Variants in JARID2 observed in about 807,000 individuals in gnomAD.
JARID2 encodes jumonji and AT-rich interaction domain containing 2.
A neutral mutation model predicts 125.6 loss-of-function variants in JARID2; 21 were observed. The observed-to-expected ratio is 0.17, with a 90% CI of 0.12 to 0.24. The LOEUF is 0.24. JARID2 is among the 10% of genes least tolerant of loss of function. JARID2 has a pLI of 1.00. For missense variants in JARID2, 1,303 were observed against 1,639.6 expected, an observed-to-expected ratio of 0.79 and a Z score of 3.55; for synonymous variants, 736 against 661.6, an observed-to-expected ratio of 1.11 and a Z score of -1.73.
chr6:15,426,859 A>G (rs1235836295), intron 3 of JARID2, among the ~76,000 whole-genome samples: 3 of 152,164 alleles, frequency 2.0e-5, no homozygotes, highest in African/African-American at 4.8e-5. Flanking sequence ...CAAAAGGCTT[A>G]TTTATAGTAT....
intron 8 of JARID2, among the ~76,000 whole-genome samples, chr6:15,503,001 T>C (rs892503709): frequency 2.6e-5 from 4 of 152,262 alleles, no homozygotes; most frequent in Non-Finnish European, 5.9e-5. Flanking sequence ...TTTTACTTTT[T>C]ACTGAAGGAG....
chr6:15,253,706 T>G (rs2127299133), intron 1 of JARID2, among the ~76,000 whole-genome samples: 1 of 152,274 alleles, frequency 6.6e-6, no homozygotes, highest in South Asian at 2.1e-4. Flanking sequence ...GGTTCTTTTT[T>G]CCATTTGAAG....
chr6:15,262,358 T>A (rs1759916238), intron 1 of JARID2, among the ~76,000 whole-genome samples: 1 of 152,108 alleles, frequency 6.6e-6, no homozygotes, highest in Non-Finnish European at 1.5e-5. Flanking sequence ...TCATATAATA[T>A]GTGGACTTTG....
chr6:15,437,213 C>A (rs1021391300), intron 3 of JARID2, among the ~76,000 whole-genome samples: 1 of 152,156 alleles, frequency 6.6e-6, no homozygotes, highest in Non-Finnish European at 1.5e-5. Context: ...TGGCAGTCTC[C>A]ACTGACTCCA....
intron 1 of JARID2, among the ~76,000 whole-genome samples, chr6:15,299,369 G>A (rs544980397): frequency 4.6e-5 from 7 of 152,288 alleles, no homozygotes; most frequent in Admixed American, 3.9e-4. Context: ...TAGAGGAAGG[G>A]ATGACTGGGA....
At chr6:15,252,635 A>G (rs1268572201) in intron 1 of JARID2, among the ~76,000 whole-genome samples, 1 of 152,242 alleles carries the variant, frequency 6.6e-6, no homozygotes, top group Non-Finnish European at 1.5e-5. Context: ...AACTTTAATT[A>G]TATATTGTTT....
At chr6:15,323,135 C>G (rs1561792055) in intron 1 of JARID2, among the ~76,000 whole-genome samples, 2 of 152,236 alleles carry the variant, frequency 1.3e-5, no homozygotes, top group African/African-American at 2.4e-5. Flanking sequence ...CTTTTGCACT[C>G]TGTGGTACGA....
chr6:15,335,076 C>CGG (rs1333762357), intron 1 of JARID2, among the ~76,000 whole-genome samples: 1 of 152,108 alleles, frequency 6.6e-6, no homozygotes, highest in Non-Finnish European at 1.5e-5. Flanking sequence ...GATATTCAGT[C>CGG]CACACCCCTC....
intron 8 of JARID2, among the ~76,000 whole-genome samples, chr6:15,501,664 C>G (rs1285095116): frequency 2.0e-5 from 3 of 152,170 alleles, no homozygotes; most frequent in Admixed American, 6.5e-5. Context: ...TATCGAGGAA[C>G]CTAGTGAGGG....
At chr6:15,381,696 TCA>T (rs1764595053) in intron 2 of JARID2, among the ~76,000 whole-genome samples, 1 of 152,220 alleles carries the variant, frequency 6.6e-6, no homozygotes, top group South Asian at 2.1e-4. Context: ...GGGGCATTTC[TCA>T]GATTTTCATT....
chr6:15,409,576 A>G (rs958073021), intron 2 of JARID2, among the ~76,000 whole-genome samples: 1 of 152,226 alleles, frequency 6.6e-6, no homozygotes, highest in African/African-American at 2.4e-5. Context: ...AAGGGCCTGC[A>G]GCTTCTTTCC....
intron 12 of JARID2, 64 bp from the exon 13 acceptor site, chr6:15,511,232 C>T: frequency 8.9e-7 from 1 of 1,128,784 alleles, no homozygotes; most frequent in South Asian, 1.2e-5. Flanking sequence ...ACGGGGGTGG[C>T]CCAGTACATG....
chr6:15,451,872 G>A, intron 3 of JARID2, 134 bp from the exon 4 acceptor site: 1 of 857,166 alleles, frequency 1.2e-6, no homozygotes, highest in Non-Finnish European at 1.7e-6. Flanking sequence ...GAGAGATATA[G>A]AACCTTAATT....
chr6:15,250,736 C>G (rs1356590275), intron 1 of JARID2, among the ~76,000 whole-genome samples: 1 of 152,168 alleles, frequency 6.6e-6, no homozygotes, highest in Non-Finnish European at 1.5e-5. Flanking sequence ...TCGGTAATGC[C>G]TGTTTCCTCA....
rs567509795 is a variant in JARID2, at chr6:15,496,768, G to A, written c.1543G>A (p.Gly515Ser). 1.2e-6 allele frequency: 2 copies of A among 1,613,180 alleles called. No individual in the cohort carries two copies. The highest frequency in any genetic ancestry group is 1.3e-5 in the African/African-American group (1 of 74,936). Residue 515 changes from glycine to serine, a missense_variant, in exon 7 of 18, where the codon GGC becomes AGC. Transcript: ENST00000341776. ...GAGCACGCCAGGCAGACAAGCACAT[G>A]GCAAGGCGGACAGCGCCTCCTGTGA... Reference protein sequence around the residue: ...GKSTPGRQAHGKADSASCENR... With the variant: ...GKSTPGRQAHSKADSASCENR...
At chr6:15,377,891 T>TC (rs1561823189) in intron 2 of JARID2, among the ~76,000 whole-genome samples, 1 of 57,336 alleles carries the variant, frequency 1.7e-5, no homozygotes, top group East Asian at 5.0e-4. Flanking sequence ...TCTTCTTCTT[T>TC]TTTTTTTTTC....
chr6:15,305,148 A>G (rs940529162), intron 1 of JARID2, among the ~76,000 whole-genome samples: 1 of 152,144 alleles, frequency 6.6e-6, no homozygotes, highest in South Asian at 2.1e-4. Flanking sequence ...GAAGTTGTCA[A>G]AGGCCTTCCA....
chr6:15,345,769 A>G (rs564567721), intron 1 of JARID2, among the ~76,000 whole-genome samples: 5 of 152,280 alleles, frequency 3.3e-5, no homozygotes, highest in Non-Finnish European at 5.9e-5. Context: ...TTAGAGTTAC[A>G]TGGGCAACAT....
At position 15,286,548 on chromosome 6, in the gene JARID2, C is replaced by A. The variant is rs1761007434; in HGVS notation, c.45+39964C>A. On this transcript the variant is annotated intron_variant, in intron 1 of 17. Coordinates refer to ENST00000341776, the MANE Select transcript of JARID2 (RefSeq NM_004973.4). Reference sequence around the variant, plus strand: ...TACAGGCATGAGGTACAGTGCCCGGCTCATTGCAGTGTTTCGATTGAAATT... The same window carrying A: ...TACAGGCATGAGGTACAGTGCCCGGATCATTGCAGTGTTTCGATTGAAATT... Among the ~76,000 whole-genome samples the A allele has an allele frequency of 2.0e-5, 3 of 151,662 alleles. No homozygotes were observed. The South Asian group carries it at 6.3e-4, about 32-fold the overall frequency.
Sources: gnomAD v4.1 joint callset for allele counts (sites outside exome capture counted in the v4.1 genomes callset) on GRCh38, gnomAD v4.1.1 for gene constraint, MANE v1.5 for transcripts, NCBI Gene and HGNC (gene_info 2026-07-23, HGNC 2026-07-21) for gene names.